The following ATPAF2 variants were observed in gnomAD, a reference collection of about 807,000 sequenced individuals.
The protein encoded by ATPAF2 is ATP synthase mitochondrial F1 complex assembly factor 2, also known as ATP12 homolog.
A neutral mutation model predicts 36.6 loss-of-function variants in ATPAF2; 30 were observed. The ratio of observed to expected loss-of-function variants is 0.82; its 90% CI spans 0.61 to 1.11. The LOEUF is 1.11. Among genes scored for constraint, ATPAF2 ranks in the 50% most tolerant of loss-of-function variants. ATPAF2 has a pLI of 0.00. For synonymous variants in ATPAF2, 140 were observed against 152.6 expected (o/e 0.92, Z 0.61); for missense variants, 321 against 372.3 (o/e 0.86, Z 1.13).
intron 1 of ATPAF2, among the ~76,000 whole-genome samples, chr17:18,029,581 T>C (rs546268631): frequency 2.0e-5 from 3 of 152,102 alleles, no homozygotes; most frequent in South Asian, 4.1e-4. Context: ...TTTGCTTTAT[T>C]TATTTATTTT....
At chr17:18,023,997 G>A (rs1043901099) in intron 5 of ATPAF2, among the ~76,000 whole-genome samples, 2 of 152,178 alleles carry the variant, frequency 1.3e-5, no homozygotes, top group Non-Finnish European at 2.9e-5. Flanking sequence ...GATGTTACCC[G>A]TAATTTTGCA....
At position 18,019,147 on chromosome 17, in the gene ATPAF2, C is replaced by CCACACACACACACACACA. The variant is rs138932269; in HGVS notation, c.733-479_733-462dup. 7.2e-3 allele frequency among the ~76,000 whole-genome samples: 972 copies of CCACACACACACACACACA among 135,608 alleles called. 9 individuals are homozygous for CCACACACACACACACACA. The highest frequency in any genetic ancestry group is 0.029 in the East Asian group (126 of 4,380). The allele number at this position is 135,608 out of a possible 152,430, so 89.0% of individuals were successfully genotyped here. ...AGAGCAAGACCCTGTCTCAAAAACA[C>CCACACACACACACACACA]CACACACACACACACACACACACAC... On this transcript the variant is annotated intron_variant, in intron 7 of 7. Coordinates refer to ENST00000474627, the MANE Select transcript of ATPAF2 (RefSeq NM_145691.4).
At chr17:18,023,351 CCAA>C (rs2145492223) in intron 5 of ATPAF2, among the ~76,000 whole-genome samples, 1 of 151,992 alleles carries the variant, frequency 6.6e-6, no homozygotes, top group Admixed American at 6.6e-5. Flanking sequence ...TCGTTTAAAC[CCAA>C]GAGGTGGAGG....
chr17:18,028,514 G>A (rs2044580391), intron 2 of ATPAF2, 101 bp downstream of exon 2: 3 of 1,528,892 alleles, frequency 2.0e-6, no homozygotes, highest in Non-Finnish European at 2.7e-6. Flanking sequence ...CAAAAAGCAG[G>A]AAGGATAATC....
downstream of ATPAF2, chr17:18,016,298 G>A: frequency 1.6e-6 from 2 of 1,259,464 alleles, no homozygotes; most frequent in Non-Finnish European, 2.3e-6. Context: ...GGAATGAAAT[G>A]AAGGAAGAAA....
At chr17:18,028,563 C>A (rs1385954202) in intron 2 of ATPAF2, 52 bp downstream of exon 2, 6 of 1,460,044 alleles carry the variant, frequency 4.1e-6, no homozygotes, top group Admixed American at 3.8e-5. Flanking sequence ...ATGTTCCCAA[C>A]CATTCACAAA....
chr17:18,036,908 C>T (rs559401621), intron 1 of ATPAF2, among the ~76,000 whole-genome samples: 3 of 151,700 alleles, frequency 2.0e-5, no homozygotes, highest in Admixed American at 2.0e-4. Context: ...CCCATCTCTA[C>T]TAAAAATACA....
rs928010477 is a variant in ATPAF2 at position 18,028,311 on chromosome 17, G to C, written c.245C>G (p.Pro82Arg). 6.2e-7 allele frequency: 1 copy of C among 1,614,172 alleles called. No homozygotes were observed. Among genetic ancestry groups the C allele is most frequent in the Non-Finnish European group, 8.5e-7 (1 of 1,180,028 alleles). Residue 82 changes from proline (P) to arginine (R), a missense_variant, in exon 3 of 8, where the codon CCC (proline) becomes CGC (arginine). This residue lies in a region of ATPAF2 where 53 missense variants were observed against 91.6 expected (regional missense o/e 0.58). Transcript: ENST00000474627. ...CACTGCAATGGCCAGGGCCTCGCTG[G>C]GGACGGTAAAGAGCTTGGCTTGGGG... ...KTPQAKLFTV[P>R]SEALAIAVAT...
downstream of ATPAF2, among the ~76,000 whole-genome samples, chr17:18,017,583 AGCCC>A (rs2044403152): frequency 1.3e-5 from 2 of 152,110 alleles, no homozygotes; most frequent in Non-Finnish European, 2.9e-5. Context: ...TCACCCCCGC[AGCCC>A]TGGTGTCATC....
chr17:18,022,121 C>T (rs1021586706), intron 5 of ATPAF2, among the ~76,000 whole-genome samples: 12 of 152,146 alleles, frequency 7.9e-5, no homozygotes, highest in Admixed American at 4.6e-4. Flanking sequence ...CTCGGTTATA[C>T]GCAGCTGCCT....
chr17:18,016,741 G>A (rs538037802), downstream of ATPAF2: 33 of 924,144 alleles, frequency 3.6e-5, no homozygotes, highest in African/African-American at 3.7e-4. Flanking sequence ...AAGTGCACAC[G>A]CCTCACCCGC....
intron 1 of ATPAF2, among the ~76,000 whole-genome samples, chr17:18,031,034 G>A (rs1404835471): frequency 1.4e-5 from 2 of 140,542 alleles, no homozygotes; most frequent in Admixed American, 7.4e-5. Flanking sequence ...GTGCAGTGGC[G>A]CGATCTCGGT....
chr17:18,023,434 G>GA (rs1396243503), intron 5 of ATPAF2, among the ~76,000 whole-genome samples: 2 of 152,052 alleles, frequency 1.3e-5, no homozygotes, highest in Non-Finnish European at 2.9e-5. Context: ...TCTCAAGAAA[G>GA]AAAAAATAAA....
downstream of ATPAF2, chr17:18,016,140 G>GTT (rs2044354646): frequency 6.2e-7 from 1 of 1,613,840 alleles, no homozygotes; most frequent in Admixed American, 1.7e-5. Context: ...ATTGACAATC[G>GTT]AGAAGATGAG....
Position 18,028,524 on chromosome 17 carries a change from C to T in ATPAF2, c.178+91G>A. ...TCTCACAAAAAGCAGGAAGGATAAT[C>T]GCACCATGAAACCAGCTGAAGATGA... is the stretch of plus-strand genomic sequence containing the variant. On this transcript the variant is annotated intron_variant, in intron 2 of 7. Transcript: ENST00000474627. The T allele has an allele frequency of 3.3e-6, 5 of 1,533,670 alleles. No individual in the cohort carries two copies. The South Asian group carries it at 3.4e-5, about 10-fold the overall frequency.
At chr17:18,024,602 T>C (rs1431218307) in intron 5 of ATPAF2, 22 bp downstream of exon 5, 8 of 1,606,926 alleles carry the variant, frequency 5.0e-6, no homozygotes, top group Non-Finnish European at 6.8e-6. Context: ...GTCAGTGCTT[T>C]CTGCAGGGCT....
chr17:18,028,887 G>A (rs1398548171), intron 1 of ATPAF2, among the ~76,000 whole-genome samples: 1 of 152,154 alleles, frequency 6.6e-6, no homozygotes, highest in Non-Finnish European at 1.5e-5. Flanking sequence ...GAACATGCTG[G>A]TCATACCTCT....
chr17:18,036,189 T>C (rs1300236147), intron 1 of ATPAF2, among the ~76,000 whole-genome samples: 1 of 152,184 alleles, frequency 6.6e-6, no homozygotes, highest in Non-Finnish European at 1.5e-5. Context: ...CTGACTGAAG[T>C]GTTCATTGAG....
At position 18,021,093 on chromosome 17, in the gene ATPAF2, G is replaced by A. The variant is rs371364524; in HGVS notation, c.732+30C>T. 3.9e-5 allele frequency: 63 copies of A among 1,599,586 alleles called. No homozygotes were observed. The African/African-American group carries it at 7.4e-4, about 19-fold the overall frequency. On this transcript the variant is annotated intron_variant, in intron 7 of 7. Coordinates refer to ENST00000474627, the MANE Select transcript of ATPAF2 (RefSeq NM_145691.4). Reference sequence around the variant, plus strand: ...CAAAGTGAGTCTGAACTAGGAAGGGGGAGGCGGGACCTGAGGTGCTGCTCC... The same window carrying A: ...CAAAGTGAGTCTGAACTAGGAAGGGAGAGGCGGGACCTGAGGTGCTGCTCC...
Sources: allele counts gnomAD v4.1 joint callset (sites outside exome capture counted in the v4.1 genomes callset), GRCh38; gene constraint gnomAD v4.1.1; regional missense constraint gnomAD v4.1.1; transcripts MANE v1.5; gene names NCBI Gene and HGNC (gene_info 2026-07-23, HGNC 2026-07-21).